The following ALG14 variants were observed in gnomAD, a reference collection of about 807,000 sequenced individuals.
ALG14 encodes ALG14 UDP-N-acetylglucosaminyltransferase subunit.
ALG14 carries 17 observed loss-of-function variants against 22.8 expected under a neutral mutation model. The ratio of observed to expected loss-of-function variants is 0.75; its 90% CI spans 0.51 to 1.12. The LOEUF (loss-of-function observed/expected upper bound fraction) is 1.12. Ranked by LOEUF, ALG14 falls within the 50% of genes most tolerant of loss-of-function variation. The pLI, the probability that ALG14 is intolerant of heterozygous loss-of-function variation, is 0.00. For synonymous variants in ALG14, 89 were observed against 103.7 expected (o/e 0.86, Z 0.86); for missense variants, 288 against 271.8 (o/e 1.06, Z -0.42).
At chr1:95,005,020 T>A (rs1376767453) in intron 3 of ALG14, among the ~76,000 whole-genome samples, 2 of 152,054 alleles carry the variant, frequency 1.3e-5, no homozygotes, top group African/African-American at 4.8e-5. Context: ...TGGCAGGAAC[T>A]CTCCATCTAG....
chr1:95,065,734 GCTC>G (rs1675337834), intron 1 of ALG14, among the ~76,000 whole-genome samples: 1 of 152,150 alleles, frequency 6.6e-6, no homozygotes, highest in Admixed American at 6.5e-5. Context: ...TGTAACCCCA[GCTC>G]CTATGAGAGG....
intron 3 of ALG14, among the ~76,000 whole-genome samples, chr1:95,020,423 T>TC (rs1035743383): frequency 2.6e-5 from 4 of 151,502 alleles, no homozygotes; most frequent in African/African-American, 7.3e-5. Context: ...CTTTTTTTTT[T>TC]CTCCCCCAAA....
At position 95,049,044 on chromosome 1, in the gene ALG14, T is replaced by G. The variant is rs948064811; in HGVS notation, c.288+15822A>C. 2.0e-5 allele frequency among the ~76,000 whole-genome samples: 3 copies of G among 152,132 alleles called. No homozygotes were observed. In the East Asian group the frequency reaches 5.8e-4, roughly 29 times the overall value. On this transcript the variant is annotated intron_variant, in intron 2 of 3. Coordinates refer to ENST00000370205, the MANE Select transcript of ALG14 (RefSeq NM_144988.4). ...CTGATTCAGAAGAATCAGAAGAAAT[T>G]TGAATGAAGAATTTGTGCAAGAAAT...
intron 1 of ALG14, 63 bp downstream of exon 1, chr1:95,072,700 G>C: frequency 6.3e-7 from 1 of 1,593,262 alleles, no homozygotes; most frequent in Non-Finnish European, 8.6e-7. Context: ...GAAGAGCGTC[G>C]CGGTGCACTC....
rs1282423276 is a variant in ALG14 at position 95,050,125 on chromosome 1, C to T, written c.288+14741G>A. Among the ~76,000 whole-genome samples, 5 of 152,110 alleles carry T rather than the reference C, an allele frequency of 3.3e-5. No individual in the cohort carries two copies. In the South Asian group the frequency reaches 6.2e-4, roughly 19 times the overall value. On this transcript the variant is annotated intron_variant, in intron 2 of 3. Transcript: ENST00000370205. ...CTTCTCACCAGAACCAAGTGTGAAT[C>T]GATGCCCTTTTATTCCTGAAGCGTT... is the stretch of plus-strand genomic sequence containing the variant.
At chr1:95,072,739 G>C in intron 1 of ALG14, 24 bp downstream of exon 1, 12 of 1,612,840 alleles carry the variant, frequency 7.4e-6, no homozygotes, top group Non-Finnish European at 1.0e-5. Flanking sequence ...ACCCAAGTCC[G>C]ACAGTCGCCT....
Position 94,979,311 on chromosome 1 carries a change from A to G in ALG14, c.*3765T>C, listed in dbSNP as rs1025414345. The G allele has an allele frequency of 4.1e-5, 2 of 48,704 alleles. No individual in the cohort carries two copies. The highest frequency in any genetic ancestry group is 1.5e-4 in the African/African-American group (1 of 6,882). The allele number at this position is 48,704 out of a possible 1,614,324, so 3.0% of individuals were successfully genotyped here. On this transcript the variant is annotated 3_prime_UTR_variant, in exon 4 of 4. Coordinates refer to ENST00000370205, the MANE Select transcript of ALG14 (RefSeq NM_144988.4). ...TCTCGAAAAAAAAAAAAAAAAAAAAAAAAGAAAGAAAAAAGTGAAACAAGT... is the reference window on the plus strand; with the variant it reads ...TCTCGAAAAAAAAAAAAAAAAAAAAGAAAGAAAGAAAAAAGTGAAACAAGT...
At chr1:95,055,828 TAAAAAAAAAA>T (rs35131311) in intron 2 of ALG14, among the ~76,000 whole-genome samples, 4,271 of 33,252 alleles carry the variant, frequency 0.13, 150 homozygotes, top group South Asian at 0.31. Context: ...CCGTCTCTAC[TAAAAAAAAAA>T]AAAAAAAAAA....
At chr1:95,033,432 C>T (rs1411929222) in intron 2 of ALG14, among the ~76,000 whole-genome samples, 3 of 150,690 alleles carry the variant, frequency 2.0e-5, no homozygotes, top group Admixed American at 6.6e-5. Context: ...CACACACACA[C>T]ACACACACAC....
intron 2 of ALG14, among the ~76,000 whole-genome samples, chr1:95,048,557 C>T (rs1045300463): frequency 6.6e-6 from 1 of 152,110 alleles, no homozygotes; most frequent in Non-Finnish European, 1.5e-5. Context: ...GGGTGGATGT[C>T]CCTGCTGAAA....
At chr1:94,988,260 G>A (rs969771387) in intron 3 of ALG14, among the ~76,000 whole-genome samples, 6 of 152,242 alleles carry the variant, frequency 3.9e-5, no homozygotes, top group African/African-American at 9.6e-5. Flanking sequence ...AAGCTTGGCT[G>A]TAAAGCTGAA....
intron 3 of ALG14, among the ~76,000 whole-genome samples, chr1:94,985,211 C>CTCTA (rs10659799): frequency 0.65 from 98,390 of 151,674 alleles, 33,267 homozygotes; most frequent in East Asian, 0.85. Context: ...TACAATTTTC[C>CTCTA]TCTTTGTCTT....
intron 1 of ALG14, among the ~76,000 whole-genome samples, chr1:95,070,097 C>A (rs955551384): frequency 1.3e-5 from 2 of 152,126 alleles, no homozygotes; most frequent in African/African-American, 2.4e-5. Context: ...GACGGTAGGT[C>A]ATAAGACCCC....
At chr1:95,048,210 G>T (rs1192897453) in intron 2 of ALG14, among the ~76,000 whole-genome samples, 1 of 152,164 alleles carries the variant, frequency 6.6e-6, no homozygotes, top group Admixed American at 6.5e-5. Context: ...CCTACTTACA[G>T]AGTAGTGGGA....
chr1:95,007,214 C>T (rs1485814568), intron 3 of ALG14, among the ~76,000 whole-genome samples: 4 of 152,254 alleles, frequency 2.6e-5, no homozygotes, highest in Middle Eastern at 3.4e-3. Context: ...GGGTTTTCCC[C>T]CTTTGTTCGT....
At position 95,072,614 on chromosome 1, in the gene ALG14, ACTGCCCGG is replaced by A. The variant is rs1675603226; in HGVS notation, c.136+141_136+148del. The A allele has an allele frequency of 5.1e-6, 6 of 1,185,732 alleles. No homozygotes were observed. The East Asian group carries it at 1.5e-4, about 29-fold the overall frequency. The allele number at this position is 1,185,732 out of a possible 1,614,324, so 73.5% of individuals were successfully genotyped here. A position where few individuals can be genotyped will look rare whatever the true frequency, so the allele number is the denominator to read the frequency against. On this transcript the variant is annotated intron_variant, in intron 1 of 3. Coordinates refer to ENST00000370205, the MANE Select transcript of ALG14 (RefSeq NM_144988.4). ...GCAAACCAGCCCCTACCCTGGCTGG[ACTGCCCGG>A]TTCCGGCAAGGCAGAGAAACTACAA...
At chr1:95,042,791 T>C (rs572048474) in intron 2 of ALG14, among the ~76,000 whole-genome samples, 11 of 152,368 alleles carry the variant, frequency 7.2e-5, no homozygotes, top group African/African-American at 2.4e-4. Context: ...AGGATAGTCC[T>C]TTTATTTTAA....
chr1:95,054,060 T>C (rs1041236529), intron 2 of ALG14, among the ~76,000 whole-genome samples: 1 of 152,172 alleles, frequency 6.6e-6, no homozygotes, highest in South Asian at 2.1e-4. Flanking sequence ...AATATTAAAA[T>C]TGACAAATGT....
intron 2 of ALG14, among the ~76,000 whole-genome samples, chr1:95,040,093 G>A (rs887952432): frequency 6.6e-6 from 1 of 151,926 alleles, no homozygotes; most frequent in African/African-American, 2.4e-5. Flanking sequence ...GATAGCTTAA[G>A]CCTGGGAGGA....
Sources: allele counts gnomAD v4.1 joint callset (sites outside exome capture counted in the v4.1 genomes callset), GRCh38; gene constraint gnomAD v4.1.1; transcripts MANE v1.5; gene names NCBI Gene and HGNC (gene_info 2026-07-23, HGNC 2026-07-21).